Variants in PPP3CA observed in about 807,000 individuals in gnomAD.
PPP3CA encodes the protein protein phosphatase 3 catalytic subunit alpha, also known as CAM-PRP catalytic subunit.
PPP3CA carries 14 observed loss-of-function variants against 66.5 expected under a neutral mutation model. That is an observed-to-expected ratio of 0.21 (90% CI 0.14 to 0.33). The LOEUF (loss-of-function observed/expected upper bound fraction) is 0.33, where lower values mean the gene tolerates loss of function less well. Ranked by LOEUF, PPP3CA falls within the 10% of genes least tolerant of loss-of-function variation. PPP3CA has a pLI of 1.00. For synonymous variants in PPP3CA, 232 were observed against 226.2 expected (o/e 1.03, Z -0.23); for missense variants, 317 against 639.5 (o/e 0.50, Z 5.44).
Position 101,220,629 on chromosome 4 carries a change from C to T in PPP3CA, c.59-24513G>A, listed in dbSNP as rs545140477. ...TTGTTTGTTTTTCTTAATTATTCTT[C>T]CTATCTGTTACATGCAAATGAAACA... On this transcript the variant is annotated intron_variant, in intron 1 of 13. Transcript: ENST00000394854. 2.6e-5 allele frequency among the ~76,000 whole-genome samples: 4 copies of T among 151,792 alleles called. No homozygotes were observed. The South Asian group carries it at 8.3e-4, about 31-fold the overall frequency.
intron 10 of PPP3CA, among the ~76,000 whole-genome samples, chr4:101,054,881 T>C (rs1027217689): frequency 6.6e-6 from 1 of 152,152 alleles, no homozygotes. Flanking sequence ...GCTCTTTAGA[T>C]AAAAGCAGAC....
At chr4:101,344,377 A>G (rs1221243974) in intron 1 of PPP3CA, among the ~76,000 whole-genome samples, 1 of 152,204 alleles carries the variant, frequency 6.6e-6, no homozygotes, top group Non-Finnish European at 1.5e-5. Flanking sequence ...AACCTTGTAT[A>G]ATGCCTTTCA....
At chr4:101,243,828 A>G (rs1726391268) in intron 1 of PPP3CA, among the ~76,000 whole-genome samples, 1 of 152,172 alleles carries the variant, frequency 6.6e-6, no homozygotes, top group Non-Finnish European at 1.5e-5. Flanking sequence ...GGTCTTGGGT[A>G]GTTATTCCAT....
At chr4:101,060,680 C>T (rs556440191) in intron 10 of PPP3CA, among the ~76,000 whole-genome samples, 268 of 152,090 alleles carry the variant, frequency 1.8e-3, no homozygotes, top group Non-Finnish European at 3.2e-3. Flanking sequence ...TCATCATAAA[C>T]ATCAAAACTT....
intron 9 of PPP3CA, among the ~76,000 whole-genome samples, chr4:101,062,246 T>C (rs1315435486): frequency 6.6e-6 from 1 of 151,890 alleles, no homozygotes; most frequent in Non-Finnish European, 1.5e-5. Flanking sequence ...CAATATGGAG[T>C]AGTATTGGGA....
At chr4:101,262,388 A>G (rs1727037017) in intron 1 of PPP3CA, among the ~76,000 whole-genome samples, 1 of 152,140 alleles carries the variant, frequency 6.6e-6, no homozygotes, top group Admixed American at 6.6e-5. Flanking sequence ...AGTATATATA[A>G]TTATTTACAT....
chr4:101,260,949 A>G (rs1450905062), intron 1 of PPP3CA, among the ~76,000 whole-genome samples: 1 of 152,164 alleles, frequency 6.6e-6, no homozygotes, highest in East Asian at 1.9e-4. Flanking sequence ...GAAAGGATAC[A>G]AAAGAAAAGG....
intron 1 of PPP3CA, among the ~76,000 whole-genome samples, chr4:101,231,311 C>T (rs561047439): frequency 4.0e-5 from 6 of 151,610 alleles, no homozygotes; most frequent in Admixed American, 6.6e-5. Flanking sequence ...TTTATCAGGC[C>T]GCTAACTAGA....
At chr4:101,073,251 G>T (rs1366367822) in intron 8 of PPP3CA, among the ~76,000 whole-genome samples, 1 of 141,628 alleles carries the variant, frequency 7.1e-6, no homozygotes, top group African/African-American at 2.6e-5. Context: ...GTGTGTGTGT[G>T]TGTATAGTGT....
At chr4:101,128,664 A>G (rs1473486182) in intron 2 of PPP3CA, among the ~76,000 whole-genome samples, 2 of 151,814 alleles carry the variant, frequency 1.3e-5, no homozygotes, top group Non-Finnish European at 2.9e-5. Flanking sequence ...TCCCTCCTCT[A>G]GCCAAGGGAA....
intron 2 of PPP3CA, among the ~76,000 whole-genome samples, chr4:101,171,621 A>T (rs1018993128): frequency 2.0e-5 from 3 of 152,180 alleles, no homozygotes; most frequent in Non-Finnish European, 4.4e-5. Context: ...CCCAAAGCCC[A>T]GTAGGCATAA....
chr4:101,332,918 G>C (rs1207400568), intron 1 of PPP3CA, among the ~76,000 whole-genome samples: 2 of 152,158 alleles, frequency 1.3e-5, no homozygotes, highest in African/African-American at 4.8e-5. Context: ...TATGTGGAGG[G>C]AGGCAGAGTG....
chr4:101,219,284 A>G (rs1725551274), intron 1 of PPP3CA, among the ~76,000 whole-genome samples: 1 of 151,994 alleles, frequency 6.6e-6, no homozygotes, highest in Non-Finnish European at 1.5e-5. Context: ...ATTTAATAAA[A>G]TCTATTCTCC....
At chr4:101,331,886 T>C (rs1009822723) in intron 1 of PPP3CA, among the ~76,000 whole-genome samples, 1 of 151,946 alleles carries the variant, frequency 6.6e-6, no homozygotes, top group African/African-American at 2.4e-5. Context: ...ATATACAGAG[T>C]TCCTGCAAAC....
intron 1 of PPP3CA, among the ~76,000 whole-genome samples, chr4:101,295,422 T>C (rs1182282674): frequency 6.6e-6 from 1 of 152,202 alleles, no homozygotes; most frequent in Non-Finnish European, 1.5e-5. Flanking sequence ...CTATTTTCTA[T>C]TTTGTACATA....
At chr4:101,241,454 T>C (rs1187252645) in intron 1 of PPP3CA, among the ~76,000 whole-genome samples, 1 of 152,064 alleles carries the variant, frequency 6.6e-6, no homozygotes, top group Non-Finnish European at 1.5e-5. Context: ...CAACAAATAT[T>C]TGTTGAATAA....
chr4:101,147,136 C>G (rs1210989906), intron 2 of PPP3CA, among the ~76,000 whole-genome samples: 2 of 152,114 alleles, frequency 1.3e-5, no homozygotes, highest in Non-Finnish European at 2.9e-5. Flanking sequence ...CCAGATTTGT[C>G]CCGAAGTCTA....
intron 6 of PPP3CA, among the ~76,000 whole-genome samples, chr4:101,090,904 GTCTATATTATAATATACACACATATC>G (rs1729902065): frequency 3.1e-5 from 3 of 97,594 alleles, no homozygotes; most frequent in African/African-American, 5.7e-5. Flanking sequence ...ACATATCTGT[GTCTATATTATAATATACACACATATC>G]TGTGTCTATA....
At chr4:101,106,370 GAGAAA>G (rs1230484191) in intron 3 of PPP3CA, among the ~76,000 whole-genome samples, 37 of 19,140 alleles carry the variant, frequency 1.9e-3, no homozygotes, top group African/African-American at 2.8e-3. Flanking sequence ...ATTTAAAAGA[GAGAAA>G]AGAAAGAAAG....
Sources: allele counts gnomAD v4.1 joint callset (sites outside exome capture counted in the v4.1 genomes callset), GRCh38; gene constraint gnomAD v4.1.1; transcripts MANE v1.5; gene names NCBI Gene and HGNC (gene_info 2026-07-23, HGNC 2026-07-21).